The following NKD1 variants were observed in gnomAD, a reference collection of about 807,000 sequenced individuals.
NKD1 encodes the protein NKD inhibitor of Wnt signaling pathway 1, also known as protein naked cuticle homolog 1.
In NKD1, 21 loss-of-function variants were observed where a neutral mutation model predicts 56.0. That is an observed-to-expected ratio of 0.38 (90% CI 0.27 to 0.54). The LOEUF is 0.54. Among genes scored for constraint, NKD1 ranks in the 20% least tolerant of loss-of-function variants. The probability of loss-of-function intolerance (pLI) is 0.82; values close to 1 mark genes in which losing one functional copy is unlikely to be tolerated. For missense variants in NKD1, 578 were observed against 642.7 expected (o/e 0.90, Z 1.09); for synonymous variants, 263 against 265.7 (o/e 0.99, Z 0.10).
rs532271850 is a variant in NKD1 at position 50,612,818 on chromosome 16, G to A, written c.259+4458G>A. 7.7e-4 allele frequency among the ~76,000 whole-genome samples: 118 copies of A among 152,326 alleles called. 6 individuals carry two copies. The highest frequency in any genetic ancestry group is 8.3e-4 in the South Asian group (4 of 4,826). On this transcript the variant is annotated intron_variant, in intron 4 of 9. Transcript: ENST00000268459. ...GGCAAGTGTGGGACCACGCCCTTAGGTTGCGTGGTTCTGCCCAGATGGTTG... is the reference window on the plus strand; with the variant it reads ...GGCAAGTGTGGGACCACGCCCTTAGATTGCGTGGTTCTGCCCAGATGGTTG...
chr16:50,565,104 G>A (rs1365798230), intron 3 of NKD1, among the ~76,000 whole-genome samples: 1 of 152,180 alleles, frequency 6.6e-6, no homozygotes, highest in Non-Finnish European at 1.5e-5. Context: ...GGCTGGGTGT[G>A]GTGGCTCATG....
chr16:50,569,845 A>G (rs1960842834), intron 3 of NKD1, among the ~76,000 whole-genome samples: 1 of 152,156 alleles, frequency 6.6e-6, no homozygotes, highest in Non-Finnish European at 1.5e-5. Context: ...TCTGGTTAGG[A>G]GTGATGGGGT....
intron 6 of NKD1, among the ~76,000 whole-genome samples, 200 bp from the exon 7 acceptor site, chr16:50,629,986 G>A (rs996977059): frequency 6.6e-6 from 1 of 152,084 alleles, no homozygotes. Flanking sequence ...GGATTTTCCT[G>A]TTCTCTCTCC....
chr16:50,559,652 C>T (rs144652667), intron 3 of NKD1, among the ~76,000 whole-genome samples: 7 of 151,988 alleles, frequency 4.6e-5, no homozygotes, highest in South Asian at 4.2e-4. Context: ...GTCTCCTTGC[C>T]GCAAGTCTTC....
In NKD1 at chr16:50,633,113, C is replaced by T. The variant is rs556342848; in HGVS notation, c.824-79C>T. ...AGCTCTGGTTTTGGAGAACTGGGGG[C>T]GGGGGTGATGTCTGGGGTATAGCGC... On this transcript the variant is annotated intron_variant, in intron 9 of 9. Transcript: ENST00000268459. This position sits in a 1 kb window ranked among gnomAD's most constrained non-coding sequence, Gnocchi z 4.9. 168 of 1,312,188 alleles carry T rather than the reference C, an allele frequency of 1.3e-4. No homozygotes were observed. The African/African-American group carries it at 2.2e-3, about 17-fold the overall frequency. 81.3% of individuals were successfully genotyped at this position (1,312,188 alleles called of 1,614,324 possible). A position where few individuals can be genotyped will look rare whatever the true frequency, so the allele number is the denominator to read the frequency against.
rs1045154373 is a variant in NKD1, at chr16:50,638,622, T to C, written c.*4841T>C. ...AGGACCTTTGTGTGGGGCTCTGATC[T>C]GATGTTCGGTCTCATCATCTCCCAA... On this transcript the variant is annotated 3_prime_UTR_variant, in exon 10 of 10. Transcript: ENST00000268459. 3 of 152,280 alleles carry C rather than the reference T, an allele frequency of 2.0e-5. No homozygotes were observed. Among genetic ancestry groups the C allele is most frequent in the Admixed American group, 2.0e-4 (3 of 15,288 alleles). The allele number at this position is 152,280 out of a possible 1,614,324, so 9.4% of individuals were successfully genotyped here.
intron 3 of NKD1, among the ~76,000 whole-genome samples, chr16:50,589,650 C>A (rs891886785): frequency 6.6e-6 from 1 of 152,140 alleles, no homozygotes; most frequent in Non-Finnish European, 1.5e-5. Context: ...AGGCAGCGGG[C>A]AAATGGATCA....
In NKD1 at chr16:50,608,354, C is replaced by T; in HGVS notation, c.253C>T (p.Leu85=). 3 of 1,611,448 alleles carry T rather than the reference C, an allele frequency of 1.9e-6. No individual in the cohort carries two copies. The highest frequency in any genetic ancestry group is 2.5e-6 in the Non-Finnish European group (3 of 1,178,192). The change falls in exon 4 of 10, where the codon CTG becomes TTG. Residue 85 remains leucine, a synonymous_variant. Transcript: ENST00000268459. ...CGAGGAAGAGGAGGACGACTTTCGG[C>T]TGGAAGGTATTCGGAGTCCATTGCT... is the stretch of plus-strand genomic sequence containing the variant. The part of the protein sequence containing the change: ...LSEEEEDDFR[L]EVALPPEKTD...
At chr16:50,622,501 CTG>C (rs1169834568) in intron 5 of NKD1, among the ~76,000 whole-genome samples, 5 of 152,208 alleles carry the variant, frequency 3.3e-5, no homozygotes, top group Admixed American at 1.3e-4. Context: ...CTCCTTCCCT[CTG>C]TTTGCCTTCC....
At chr16:50,608,207 C>T in intron 3 of NKD1, 87 bp from the exon 4 acceptor site, 6 of 906,500 alleles carry the variant, frequency 6.6e-6, no homozygotes, top group Non-Finnish European at 9.3e-6. Flanking sequence ...GAAGAATCAG[C>T]CCAGGGTCCT....
At chr16:50,560,629 G>GGT (rs1567334277) in intron 3 of NKD1, among the ~76,000 whole-genome samples, 3 of 137,708 alleles carry the variant, frequency 2.2e-5, no homozygotes, top group Non-Finnish European at 4.7e-5. Flanking sequence ...GTTTAGGCGA[G>GGT]TTTTTTTTTT....
At chr16:50,626,783 C>T (rs1307535880) in intron 6 of NKD1, among the ~76,000 whole-genome samples, 3 of 152,208 alleles carry the variant, frequency 2.0e-5, no homozygotes, top group Non-Finnish European at 4.4e-5. Flanking sequence ...ACCCCATCTT[C>T]AGGCACGAGA....
Position 50,638,572 on chromosome 16 carries a change from A to G in NKD1, c.*4791A>G, listed in dbSNP as rs1962517316. The G allele has an allele frequency of 2.0e-5, 3 of 152,274 alleles. No homozygotes were observed. In the South Asian group the frequency reaches 6.2e-4, roughly 31 times the overall value. The allele number at this position is 152,274 out of a possible 1,614,324, so 9.4% of individuals were successfully genotyped here. A position where few individuals can be genotyped will look rare whatever the true frequency, so the allele number is the denominator to read the frequency against. On this transcript the variant is annotated 3_prime_UTR_variant, in exon 10 of 10. Coordinates refer to ENST00000268459, the MANE Select transcript of NKD1 (RefSeq NM_033119.5). ...CTCAGGACACTCTTCAACAGTCATG[A>G]AAAGTTTGATCACTTGCCACAGTCA...
At chr16:50,596,451 G>A (rs2151272889) in intron 3 of NKD1, among the ~76,000 whole-genome samples, 1 of 152,202 alleles carries the variant, frequency 6.6e-6, no homozygotes, top group East Asian at 1.9e-4. Context: ...GAAGACCATT[G>A]GGTGACCTGG....
At chr16:50,572,086 A>G (rs1418240436) in intron 3 of NKD1, among the ~76,000 whole-genome samples, 1 of 152,140 alleles carries the variant, frequency 6.6e-6, no homozygotes, top group African/African-American at 2.4e-5. Context: ...ACCCTCCAGG[A>G]TGGAGCTCTC....
At chr16:50,564,780 G>C (rs1015257671) in intron 3 of NKD1, among the ~76,000 whole-genome samples, 2 of 152,040 alleles carry the variant, frequency 1.3e-5, no homozygotes, top group African/African-American at 4.8e-5. Context: ...TTCAGAAAGG[G>C]TCCTCACCTT....
intron 4 of NKD1, among the ~76,000 whole-genome samples, chr16:50,620,409 C>T (rs1962059310): frequency 6.6e-6 from 1 of 152,216 alleles, no homozygotes; most frequent in African/African-American, 2.4e-5. Context: ...CTCCAGGCTG[C>T]TGACTTCCCA....
intron 3 of NKD1, among the ~76,000 whole-genome samples, chr16:50,584,708 G>C (rs1218593600): frequency 6.6e-6 from 1 of 152,190 alleles, no homozygotes; most frequent in Non-Finnish European, 1.5e-5. Flanking sequence ...AGCAACCCAA[G>C]GCCATAGGCA....
At chr16:50,608,195 C>G (rs1386810163) in intron 3 of NKD1, 99 bp from the exon 4 acceptor site, 4 of 846,848 alleles carry the variant, frequency 4.7e-6, no homozygotes, top group Non-Finnish European at 8.2e-6. Flanking sequence ...GAATTCCAAT[C>G]AGAAGAATCA....
Sources: gnomAD v4.1 joint callset for allele counts (sites outside exome capture counted in the v4.1 genomes callset) on GRCh38, gnomAD v4.1.1 for gene constraint, Gnocchi (gnomAD v3.1) non-coding constraint, MANE v1.5 for transcripts, NCBI Gene and HGNC (gene_info 2026-07-23, HGNC 2026-07-21) for gene names.